SCN10A: variants seen among roughly 807,000 people sequenced by gnomAD.
SCN10A encodes the protein sodium channel protein type 10 subunit alpha.
A neutral mutation model predicts 170.7 loss-of-function variants in SCN10A; 162 were observed. That is an observed-to-expected ratio of 0.95 (90% CI 0.84 to 1.08). The LOEUF (loss-of-function observed/expected upper bound fraction) is 1.08. Ranked by LOEUF, SCN10A falls within the 50% of genes least tolerant of loss-of-function variation. The pLI is 0.00. For missense variants in SCN10A, 2,527 were observed against 2,436.9 expected (o/e 1.04, Z -0.78); for synonymous variants, 985 against 904.6 (o/e 1.09, Z -1.59).
chr3:38,780,737 A>T (rs1034647935), intron 4 of SCN10A, among the ~76,000 whole-genome samples: 6 of 152,068 alleles, frequency 3.9e-5, no homozygotes, highest in African/African-American at 9.7e-5. Flanking sequence ...AGCAAATTCG[A>T]GCGATTTTCT....
Position 38,760,759 on chromosome 3 carries a change from A to T in SCN10A, c.884-12T>A, listed in dbSNP as rs753730859. On this transcript the variant is annotated splice_polypyrimidine_tract_variant and intron_variant, in intron 7 of 27. Transcript: ENST00000449082. ...TATGTAGATATCTGCTGAAGAAAGG[A>T]AGAAAAGAAAGCCTCACAGATGGTT... The T allele has an allele frequency of 6.2e-7, 1 of 1,608,814 alleles. No individual in the cohort carries two copies.
intron 5 of SCN10A, among the ~76,000 whole-genome samples, chr3:38,765,592 C>T (rs2063923441): frequency 6.6e-6 from 1 of 152,140 alleles, no homozygotes; most frequent in Non-Finnish European, 1.5e-5. Flanking sequence ...ATACCAGTAT[C>T]ATGCTGTTTT....
intron 4 of SCN10A, among the ~76,000 whole-genome samples, chr3:38,787,523 A>G (rs1351039788): frequency 6.7e-6 from 1 of 149,552 alleles, no homozygotes; most frequent in Admixed American, 6.7e-5. Context: ...GCTGGCTGAG[A>G]CCTCCTTTAC....
chr3:38,711,587 A>G (rs1227059737), intron 23 of SCN10A, among the ~76,000 whole-genome samples: 1 of 152,236 alleles, frequency 6.6e-6, no homozygotes, highest in Non-Finnish European at 1.5e-5. Context: ...GAATAAATGC[A>G]AGAACCAATG....
intron 21 of SCN10A, 29 bp downstream of exon 21, chr3:38,718,624 A>C (rs1453189204): frequency 1.9e-6 from 3 of 1,611,928 alleles, no homozygotes; most frequent in Non-Finnish European, 2.5e-6. Context: ...AGGACCCCAA[A>C]CCCCACGTGT....
intron 1 of SCN10A, among the ~76,000 whole-genome samples, chr3:38,798,702 T>C (rs1378094017): frequency 1.3e-5 from 2 of 151,986 alleles, no homozygotes. Flanking sequence ...TTAATAGCTG[T>C]TCCTGCTAAG....
intron 15 of SCN10A, among the ~76,000 whole-genome samples, chr3:38,731,657 C>T (rs920709436): frequency 1.3e-5 from 2 of 152,142 alleles, no homozygotes; most frequent in Non-Finnish European, 2.9e-5. Flanking sequence ...CCAGGATGGC[C>T]GACTGGAGTT....
Position 38,698,138 on chromosome 3 carries a change from G to T in SCN10A, c.5082C>A (p.Ser1694Arg). The T allele has an allele frequency of 6.2e-7, 1 of 1,614,148 alleles. No individual in the cohort carries two copies. The highest frequency in any genetic ancestry group is 8.5e-7 in the Non-Finnish European group (1 of 1,180,020). The change falls in exon 28 of 28, where the codon AGC becomes AGA. Residue 1694 changes from serine to arginine, a missense_variant. Transcript: ENST00000449082. ...NSNGTRGDCG[S>R]PAVGIIFFTT... ...TGAAGAAGATGATGCCTACGGCTGG[G>T]CTCCCACAGTCCCCTCTGGTGCCAT...
chr3:38,698,003 G>A lies in SCN10A; in HGVS notation c.5217C>T (p.Asp1739=), dbSNP rs116353929. 49,466 of 1,614,122 alleles carry A rather than the reference G, an allele frequency of 0.031. 861 individuals are homozygous for A. Among genetic ancestry groups the A allele is most frequent in the Non-Finnish European group, 0.035 (40,784 of 1,180,014 alleles). The change falls in exon 28 of 28, where the codon GAC becomes GAT. Residue 1739 remains aspartate (D), a synonymous_variant. Transcript: ENST00000449082. ...TEESTEPLSE[D]DFDMFYETWE... ...AGGTCTCATAGAACATGTCAAAGTC[G>A]TCCTCACTCAGGGGCTCAGTGCTCT...
chr3:38,762,710 T>C (rs1360994038), intron 6 of SCN10A, among the ~76,000 whole-genome samples: 3 of 152,108 alleles, frequency 2.0e-5, no homozygotes, highest in African/African-American at 4.8e-5. Context: ...TCAAGAGGTG[T>C]GTCCAGTGGG....
chr3:38,697,265 T>A lies in SCN10A; in HGVS notation c.*84A>T, dbSNP rs918883036. The A allele has an allele frequency of 6.4e-7, 1 of 1,552,522 alleles. No homozygotes were observed. The highest frequency in any genetic ancestry group is 8.7e-7 in the Non-Finnish European group (1 of 1,149,874). ...TGGCATGCATTGGTGAGGCTGTAGC[T>A]GGGTGTGATCTGCAATGGGAAAGAG... On this transcript the variant is annotated 3_prime_UTR_variant, in exon 28 of 28. Coordinates refer to ENST00000449082, the MANE Select transcript of SCN10A (RefSeq NM_006514.4).
At chr3:38,730,744 G>T (rs200918296) in intron 15 of SCN10A, among the ~76,000 whole-genome samples, 177 of 152,100 alleles carry the variant, frequency 1.2e-3, no homozygotes, top group Non-Finnish European at 2.2e-3. Flanking sequence ...TATGAAGAAG[G>T]TTTGCATCAG....
chr3:38,709,434 C>T (rs1171009674), intron 25 of SCN10A, 44 bp downstream of exon 25: 1 of 1,569,242 alleles, frequency 6.4e-7, no homozygotes, highest in Non-Finnish European at 8.6e-7. Flanking sequence ...AAATATAAGG[C>T]TTACCACTAC....
chr3:38,780,499 A>G (rs1209365325), intron 4 of SCN10A, among the ~76,000 whole-genome samples: 1 of 151,992 alleles, frequency 6.6e-6, no homozygotes, highest in Non-Finnish European at 1.5e-5. Context: ...TGTTTATATT[A>G]TTTCATATGA....
intron 15 of SCN10A, among the ~76,000 whole-genome samples, chr3:38,738,260 A>T (rs2063592373): frequency 6.6e-6 from 1 of 152,086 alleles, no homozygotes; most frequent in African/African-American, 2.4e-5. Context: ...TTCTATGTAA[A>T]CATCCCTCCC....
chr3:38,697,289 A>G lies in SCN10A; in HGVS notation c.*60T>C, dbSNP rs2063098696. Reference sequence around the variant, plus strand: ...CTGGGTGTGATCTGCAATGGGAAAGAGTTAACACAGAGCAGAAGGACGCAT... The same window carrying G: ...CTGGGTGTGATCTGCAATGGGAAAGGGTTAACACAGAGCAGAAGGACGCAT... On this transcript the variant is annotated 3_prime_UTR_variant, in exon 28 of 28. Coordinates refer to ENST00000449082, the MANE Select transcript of SCN10A (RefSeq NM_006514.4). The G allele has an allele frequency of 1.3e-6, 2 of 1,582,486 alleles. No individual in the cohort carries two copies. Among genetic ancestry groups the G allele is most frequent in the Admixed American group, 1.7e-5 (1 of 58,448 alleles).
At chr3:38,809,489 TA>T (rs2064426192) in intron 1 of SCN10A, among the ~76,000 whole-genome samples, 1 of 152,238 alleles carries the variant, frequency 6.6e-6, no homozygotes, top group African/African-American at 2.4e-5. Flanking sequence ...TTGAATATTT[TA>T]AAATGCTTTC....
rs1269317317 is a variant in SCN10A at position 38,728,782 on chromosome 3, G to A, written c.2400C>T (p.Val800=). The A allele has an allele frequency of 1.2e-6, 2 of 1,614,056 alleles. No individual in the cohort carries two copies. The highest frequency in any genetic ancestry group is 1.7e-6 in the Non-Finnish European group (2 of 1,180,036). Reference sequence around the variant, plus strand: ...GGAGCTGCTTGCCAACCAGAGCAAAGACAAAGACAATGATGGCCAGGATGA... The same window carrying A: ...GGAGCTGCTTGCCAACCAGAGCAAAAACAAAGACAATGATGGCCAGGATGA... ...LTIILAIIVF[V]FALVGKQLLG... The change falls in exon 16 of 28, where the codon GTC becomes GTT. Residue 800 remains valine (V), a synonymous_variant. Transcript: ENST00000449082.
intron 1 of SCN10A, among the ~76,000 whole-genome samples, chr3:38,799,038 C>T (rs970467134): frequency 2.6e-5 from 4 of 152,240 alleles, no homozygotes; most frequent in South Asian, 2.1e-4. Flanking sequence ...CCACCTCAGC[C>T]TCCCAAAGTG....
Sources: gnomAD v4.1 joint callset for allele counts (sites outside exome capture counted in the v4.1 genomes callset) on GRCh38, gnomAD v4.1.1 for gene constraint, MANE v1.5 for transcripts, NCBI Gene and HGNC (gene_info 2026-07-23, HGNC 2026-07-21) for gene names.